HTR1F: variants seen among roughly 807,000 people sequenced by gnomAD.
HTR1F encodes 5-hydroxytryptamine receptor 1F, also known as 5-hydroxytryptamine (serotonin) receptor 1F, G protein-coupled.
HTR1F carries 17 observed loss-of-function variants against 24.0 expected under a neutral mutation model. That is an observed-to-expected ratio of 0.71 (90% CI 0.48 to 1.06). The LOEUF (loss-of-function observed/expected upper bound fraction) is 1.06. Ranked by LOEUF, HTR1F falls within the 50% of genes least tolerant of loss-of-function variation. The pLI is 0.00. For synonymous variants in HTR1F, 186 were observed against 156.8 expected, an observed-to-expected ratio of 1.19 and a Z score of -1.39; for missense variants, 391 against 427.8, an observed-to-expected ratio of 0.91 and a Z score of 0.76.
chr3:87,798,544 C>A (rs1216567039), intron 1 of HTR1F, among the ~76,000 whole-genome samples: 1 of 152,012 alleles, frequency 6.6e-6, no homozygotes, highest in East Asian at 1.9e-4. Flanking sequence ...CCCCCCTCCA[C>A]CCGCCGTAGC....
chr3:87,832,978 A>G (rs1704614706), intron 2 of HTR1F, among the ~76,000 whole-genome samples: 1 of 152,140 alleles, frequency 6.6e-6, no homozygotes, highest in Non-Finnish European at 1.5e-5. Context: ...TCTGGAAATC[A>G]CCTTTTCCTT....
intron 2 of HTR1F, among the ~76,000 whole-genome samples, chr3:87,927,191 A>G (rs1427691172): frequency 4.6e-5 from 7 of 152,020 alleles, no homozygotes; most frequent in Non-Finnish European, 8.8e-5. Flanking sequence ...TGAGTCTGCA[A>G]AAGATGTAGT....
chr3:87,938,329 T>TA (rs1704478868), intron 2 of HTR1F, among the ~76,000 whole-genome samples: 2 of 152,142 alleles, frequency 1.3e-5, no homozygotes, highest in African/African-American at 2.4e-5. Context: ...CTCATGGGTA[T>TA]AAAAAATCAG....
chr3:87,884,177 G>A (rs1355471997), intron 2 of HTR1F, among the ~76,000 whole-genome samples: 1 of 152,148 alleles, frequency 6.6e-6, no homozygotes, highest in South Asian at 2.1e-4. Flanking sequence ...ACAAGGGAGT[G>A]GGGGCCAATA....
intron 2 of HTR1F, among the ~76,000 whole-genome samples, chr3:87,933,349 G>T (rs1704330761): frequency 6.6e-6 from 1 of 151,416 alleles, no homozygotes; most frequent in Non-Finnish European, 1.5e-5. Context: ...GGAAGTTCTG[G>T]CCAGGGCAAT....
At chr3:87,926,068 TCATATTTTAAGACATA>T (rs1383426121) in intron 2 of HTR1F, among the ~76,000 whole-genome samples, 3 of 152,226 alleles carry the variant, frequency 2.0e-5, no homozygotes, top group African/African-American at 7.2e-5. Context: ...TACATTTATT[TCATATTTTAAGACATA>T]GGCTTAAATC....
chr3:87,956,683 G>A (rs762895606), intron 2 of HTR1F, among the ~76,000 whole-genome samples: 1 of 151,218 alleles, frequency 6.6e-6, no homozygotes, highest in South Asian at 2.1e-4. Context: ...AATTTTCAGA[G>A]CAGATGGTTT....
At chr3:87,860,806 T>G (rs541606637) in intron 2 of HTR1F, among the ~76,000 whole-genome samples, 3 of 152,096 alleles carry the variant, frequency 2.0e-5, no homozygotes, top group Non-Finnish European at 4.4e-5. Context: ...AAGTGAGAAG[T>G]CAAATAAATA....
intron 1 of HTR1F, among the ~76,000 whole-genome samples, chr3:87,817,232 C>A (rs539430006): frequency 1.3e-5 from 2 of 152,058 alleles, no homozygotes; most frequent in Non-Finnish European, 2.9e-5. Context: ...TGCTATCATG[C>A]GGGAGACAGA....
chr3:87,912,411 AAATCAGAGATGATAC>A (rs1354000526), intron 2 of HTR1F, among the ~76,000 whole-genome samples: 1 of 152,074 alleles, frequency 6.6e-6, no homozygotes, highest in Non-Finnish European at 1.5e-5. Flanking sequence ...CTGCTCAAAG[AAATCAGAGATGATAC>A]AAACAAATGG....
intron 2 of HTR1F, among the ~76,000 whole-genome samples, chr3:87,906,668 T>A (rs1433791535): frequency 6.6e-6 from 1 of 151,994 alleles, no homozygotes; most frequent in Non-Finnish European, 1.5e-5. Flanking sequence ...GTACCCAATG[T>A]GTAGTCTTTT....
intron 2 of HTR1F, among the ~76,000 whole-genome samples, chr3:87,925,855 T>C (rs1346153015): frequency 6.6e-6 from 1 of 152,182 alleles, no homozygotes; most frequent in Admixed American, 6.5e-5. Context: ...CTCTCTATGC[T>C]GCCATATCGA....
intron 2 of HTR1F, among the ~76,000 whole-genome samples, chr3:87,940,116 T>A (rs1307988670): frequency 6.6e-6 from 1 of 152,192 alleles, no homozygotes; most frequent in African/African-American, 2.4e-5. Flanking sequence ...TTAATTTTGT[T>A]ATTTACCCAG....
intron 2 of HTR1F, among the ~76,000 whole-genome samples, chr3:87,928,521 T>C (rs1282547334): frequency 1.3e-5 from 2 of 152,206 alleles, no homozygotes; most frequent in Non-Finnish European, 2.9e-5. Context: ...TCCCTAAAAA[T>C]GAATATGTTC....
At chr3:87,972,497 T>C (rs764006711) in intron 2 of HTR1F, among the ~76,000 whole-genome samples, 1 of 152,230 alleles carries the variant, frequency 6.6e-6, no homozygotes, top group Non-Finnish European at 1.5e-5. Context: ...TAATCATCTA[T>C]GTATTTTAAA....
rs1198986980 is a variant in HTR1F at position 87,906,110 on chromosome 3, C to G, written c.-43+83986C>G. Among the ~76,000 whole-genome samples, 5 of 152,140 alleles carry G rather than the reference C, an allele frequency of 3.3e-5. No homozygotes were observed. In the East Asian group the frequency reaches 9.6e-4, roughly 29 times the overall value. Reference sequence around the variant, plus strand: ...AAAAGAGAAAAAATACAATAAAACGCTAAATTGTCACTTGGGAAAAAAAGT... The same window carrying G: ...AAAAGAGAAAAAATACAATAAAACGGTAAATTGTCACTTGGGAAAAAAAGT... On this transcript the variant is annotated intron_variant, in intron 2 of 2. Coordinates refer to ENST00000319595, the MANE Select transcript of HTR1F (RefSeq NM_001322209.2).
At chr3:87,935,457 G>C (rs951916498) in intron 2 of HTR1F, among the ~76,000 whole-genome samples, 4 of 151,382 alleles carry the variant, frequency 2.6e-5, no homozygotes, top group African/African-American at 9.7e-5. Context: ...TGAGGCTTCT[G>C]CAAGTGTCTT....
intron 1 of HTR1F, among the ~76,000 whole-genome samples, chr3:87,793,982 AAG>A (rs1553658563): frequency 2.7e-5 from 4 of 149,140 alleles, no homozygotes; most frequent in South Asian, 2.1e-4. Flanking sequence ...AAAAAAAAAA[AAG>A]AGAGAGAGAA....
At chr3:87,843,450 T>G (rs1266775666) in intron 2 of HTR1F, among the ~76,000 whole-genome samples, 11 of 151,664 alleles carry the variant, frequency 7.3e-5, no homozygotes, top group African/African-American at 2.7e-4. Context: ...AAACATAAAT[T>G]TCTTGCCATA....
Sources: allele counts gnomAD v4.1 joint callset (sites outside exome capture counted in the v4.1 genomes callset), GRCh38; gene constraint gnomAD v4.1.1; transcripts MANE v1.5; gene names NCBI Gene and HGNC (gene_info 2026-07-23, HGNC 2026-07-21).